The following PDE8A variants were observed in gnomAD, a reference collection of about 807,000 sequenced individuals.
PDE8A encodes the protein phosphodiesterase 8A.
In PDE8A, 59 loss-of-function variants were observed where a neutral mutation model predicts 105.0. That is an observed-to-expected ratio of 0.56 (90% CI 0.46 to 0.70). The LOEUF (loss-of-function observed/expected upper bound fraction) is 0.70, where lower values mean the gene tolerates loss of function less well. Among genes scored for constraint, PDE8A ranks in the 30% least tolerant of loss-of-function variants. The probability of loss-of-function intolerance (pLI) is 0.00; values close to 1 mark genes in which losing one functional copy is unlikely to be tolerated. For missense variants in PDE8A, 1,014 were observed against 1,045.9 expected (o/e 0.97, Z 0.42); for synonymous variants, 355 against 371.9 (o/e 0.95, Z 0.52).
At position 85,097,979 on chromosome 15, in the gene PDE8A, A is replaced by G. The variant is rs61748344; in HGVS notation, c.884A>G (p.Lys295Arg). 3.7e-6 allele frequency: 6 copies of G among 1,602,748 alleles called. No homozygotes were observed. In the African/African-American group the frequency reaches 8.0e-5, roughly 21 times the overall value. The change falls in exon 9 of 22, where the codon AAA becomes AGA. Residue 295 changes from lysine (K) to arginine (R), a missense_variant. Physicochemically the swap from Lys to Arg is conservative, Grantham distance 26. Transcript: ENST00000394553. ...CAAGGAATTTACTATGCCAAAAAGA[A>G]AAACGGAGATAATATACAACAAAAT... ...EWQGIYYAKK[K>R]NGDNIQQNVK...
chr15:85,018,499 A>G (rs973672443), intron 1 of PDE8A, among the ~76,000 whole-genome samples: 3 of 152,220 alleles, frequency 2.0e-5, no homozygotes, highest in Non-Finnish European at 4.4e-5. Flanking sequence ...ACCATGATCT[A>G]TTTAACCAGT....
At chr15:85,092,645 C>T (rs1001354050) in intron 8 of PDE8A, among the ~76,000 whole-genome samples, 4 of 152,038 alleles carry the variant, frequency 2.6e-5, no homozygotes, top group Non-Finnish European at 5.9e-5. Context: ...CAGGATGGGC[C>T]TTGTACACCT....
At chr15:85,016,607 T>C (rs1361092481) in intron 1 of PDE8A, among the ~76,000 whole-genome samples, 2 of 152,244 alleles carry the variant, frequency 1.3e-5, no homozygotes, top group Admixed American at 1.3e-4. Flanking sequence ...TTTCTTTCCC[T>C]TTTCAGGGTC....
chr15:85,071,548 C>G (rs1242119608), intron 3 of PDE8A, among the ~76,000 whole-genome samples: 1 of 152,204 alleles, frequency 6.6e-6, no homozygotes, highest in East Asian at 1.9e-4. Flanking sequence ...CATCAGTTCT[C>G]AGGTTCAGTT....
chr15:85,135,238 C>T (rs908646009), intron 20 of PDE8A, among the ~76,000 whole-genome samples: 14 of 152,116 alleles, frequency 9.2e-5, no homozygotes, highest in African/African-American at 2.4e-4. Context: ...GTAGAAGACA[C>T]GTCTTGTGAG....
At chr15:85,010,790 T>C (rs1040596163) in intron 1 of PDE8A, among the ~76,000 whole-genome samples, 20 of 152,200 alleles carry the variant, frequency 1.3e-4, no homozygotes, top group African/African-American at 4.8e-4. Flanking sequence ...ATAGTGACTT[T>C]AATAGCCTTA....
At chr15:85,119,928 T>C (rs2082154876) in intron 17 of PDE8A, among the ~76,000 whole-genome samples, 1 of 151,856 alleles carries the variant, frequency 6.6e-6, no homozygotes, top group African/African-American at 2.4e-5. Flanking sequence ...AAAAAAAACA[T>C]GGGAAAAGCA....
rs569132993 is a variant in PDE8A at position 85,123,403 on chromosome 15, G to A, written c.2085+210G>A. ...ACACACACAAAGGGGAGTTTATTAA[G>A]TAATAACTTACACGATCACAAGGTC... On this transcript the variant is annotated intron_variant, in intron 19 of 21. Coordinates refer to ENST00000394553, the MANE Select transcript of PDE8A (RefSeq NM_002605.3). Among the ~76,000 whole-genome samples the A allele has an allele frequency of 1.2e-4, 18 of 145,074 alleles. No homozygotes were observed. The East Asian group carries it at 1.8e-3, about 14-fold the overall frequency.
At chr15:85,125,619 A>C (rs947171758) in intron 19 of PDE8A, among the ~76,000 whole-genome samples, 1 of 152,166 alleles carries the variant, frequency 6.6e-6, no homozygotes, top group African/African-American at 2.4e-5. Context: ...AATACTTTTC[A>C]TGCTTACCAT....
intron 3 of PDE8A, among the ~76,000 whole-genome samples, chr15:85,072,988 C>G (rs1204302040): frequency 1.3e-5 from 2 of 152,090 alleles, no homozygotes; most frequent in Non-Finnish European, 2.9e-5. Context: ...TTGGCACTTG[C>G]CTGTAGTCCC....
chr15:84,996,823 CAAAAAAAAAAAAA>C (rs34363361), intron 1 of PDE8A, among the ~76,000 whole-genome samples: 3 of 53,824 alleles, frequency 5.6e-5, no homozygotes, highest in South Asian at 1.5e-3. Flanking sequence ...AAGACTCTCT[CAAAAAAAAAAAAA>C]AAAAAAAAAA....
At chr15:85,129,934 G>C (rs1202769958) in intron 20 of PDE8A, among the ~76,000 whole-genome samples, 7 of 152,102 alleles carry the variant, frequency 4.6e-5, no homozygotes, top group African/African-American at 1.7e-4. Context: ...TTGACCCCTT[G>C]GTTGTTTAAG....
intron 1 of PDE8A, among the ~76,000 whole-genome samples, chr15:85,009,110 A>AGTGTGTGTGT (rs56313426): frequency 4.7e-5 from 3 of 64,202 alleles, no homozygotes; most frequent in African/African-American, 1.4e-4. Flanking sequence ...AGAGAGAGAG[A>AGTGTGTGTGT]GTGTGTGTGT....
At chr15:85,030,251 T>C (rs2080591447) in intron 1 of PDE8A, among the ~76,000 whole-genome samples, 1 of 151,890 alleles carries the variant, frequency 6.6e-6, no homozygotes, top group Admixed American at 6.6e-5. Flanking sequence ...GAGTTTTGTC[T>C]CCTGCTTGTG....
chr15:85,051,290 G>T (rs964227977), intron 1 of PDE8A, among the ~76,000 whole-genome samples: 4 of 151,918 alleles, frequency 2.6e-5, no homozygotes, highest in Non-Finnish European at 5.9e-5. Context: ...TTTCTATTTC[G>T]ACTGTCTTTT....
At chr15:85,061,992 C>T (rs2081153414) in intron 1 of PDE8A, among the ~76,000 whole-genome samples, 2 of 152,002 alleles carry the variant, frequency 1.3e-5, no homozygotes, top group East Asian at 1.9e-4. Context: ...TCATGTTGTT[C>T]GTACATCATT....
intron 1 of PDE8A, among the ~76,000 whole-genome samples, chr15:85,004,568 G>A (rs1237733934): frequency 6.6e-6 from 1 of 152,218 alleles, no homozygotes; most frequent in Non-Finnish European, 1.5e-5. Context: ...GTTAGCATGA[G>A]GCAGTAAATC....
intron 20 of PDE8A, among the ~76,000 whole-genome samples, chr15:85,136,243 C>T (rs1301291347): frequency 6.6e-6 from 1 of 152,208 alleles, no homozygotes; most frequent in African/African-American, 2.4e-5. Flanking sequence ...TGGCTGACTA[C>T]ACATAATGTT....
intron 8 of PDE8A, 26 bp downstream of exon 8, chr15:85,091,207 T>C: frequency 6.4e-7 from 1 of 1,572,636 alleles, no homozygotes; most frequent in Non-Finnish European, 8.6e-7. Context: ...GTGCCTTTTT[T>C]AACTTTCACA....
Sources: allele counts gnomAD v4.1 joint callset (sites outside exome capture counted in the v4.1 genomes callset), GRCh38; gene constraint gnomAD v4.1.1; transcripts MANE v1.5; gene names NCBI Gene and HGNC (gene_info 2026-07-23, HGNC 2026-07-21).